The following RANBP2 variants were observed in gnomAD, a reference collection of about 807,000 sequenced individuals.
RANBP2 encodes E3 SUMO-protein ligase RanBP2.
Under a neutral mutation model 303.6 loss-of-function variants are expected in RANBP2, and 57 were observed. That is an observed-to-expected ratio of 0.19 (90% CI 0.15 to 0.23). RANBP2 has a LOEUF of 0.23. Ranked by LOEUF, RANBP2 falls within the 10% of genes least tolerant of loss-of-function variation. The pLI, the probability that RANBP2 is intolerant of heterozygous loss-of-function variation, is 1.00. For missense variants in RANBP2, 3,138 were observed against 3,780.8 expected (o/e 0.83, Z 4.46); for synonymous variants, 1,167 against 1,301.5 (o/e 0.90, Z 2.23).
At chr2:108,988,307 C>T in the RANBP2 span, among the ~76,000 whole-genome samples, 3 of 152,160 alleles carry the variant, frequency 2.0e-5, no homozygotes, top group African/African-American at 7.2e-5. Flanking sequence ...GAATCAGAGC[C>T]GACTGAATCA....
the RANBP2 span, among the ~76,000 whole-genome samples, chr2:109,496,485 C>T: frequency 6.6e-6 from 1 of 152,222 alleles, no homozygotes; most frequent in East Asian, 1.9e-4. Flanking sequence ...TTCACTATGA[C>T]CTCTCTAATA....
chr2:108,742,188 G>T (rs970736385), intron 7 of RANBP2, among the ~76,000 whole-genome samples: 7 of 152,064 alleles, frequency 4.6e-5, no homozygotes, highest in Admixed American at 1.3e-4. Context: ...TAGAGACGGG[G>T]TTTCTCCATG....
At chr2:108,762,738 A>ATTTT (rs1676813985) in intron 19 of RANBP2, among the ~76,000 whole-genome samples, 3 of 151,174 alleles carry the variant, frequency 2.0e-5, no homozygotes, top group Non-Finnish European at 2.9e-5. Context: ...ATGAGATAAT[A>ATTTT]ATGTAAAGTG....
the RANBP2 span, among the ~76,000 whole-genome samples, chr2:108,914,797 C>T: frequency 2.0e-5 from 3 of 152,236 alleles, no homozygotes; most frequent in East Asian, 5.8e-4. Flanking sequence ...GGCCAGCTGC[C>T]ATCCCCAAAT....
At chr2:109,454,595 T>C in the RANBP2 span, among the ~76,000 whole-genome samples, 1 of 152,174 alleles carries the variant, frequency 6.6e-6, no homozygotes, top group East Asian at 1.9e-4. Context: ...GGCCTGGCCA[T>C]GAGTTCCACA....
the RANBP2 span, among the ~76,000 whole-genome samples, chr2:109,306,233 C>G: frequency 6.6e-6 from 1 of 152,178 alleles, no homozygotes; most frequent in Non-Finnish European, 1.5e-5. Context: ...GATGCAGACC[C>G]CAGGAAGTGT....
chr2:109,345,267 G>A, the RANBP2 span, among the ~76,000 whole-genome samples: 2 of 152,154 alleles, frequency 1.3e-5, no homozygotes, highest in Admixed American at 6.5e-5. Context: ...ATGTCAACCA[G>A]TCTAGAGAAG....
the RANBP2 span, among the ~76,000 whole-genome samples, chr2:109,083,432 G>A: frequency 3.7e-3 from 566 of 152,196 alleles, 3 homozygotes; most frequent in Non-Finnish European, 6.0e-3. Flanking sequence ...AGAGCATCAC[G>A]GCCTCCAGCT....
At chr2:109,380,251 T>C in the RANBP2 span, among the ~76,000 whole-genome samples, 6 of 152,208 alleles carry the variant, frequency 3.9e-5, no homozygotes, top group Non-Finnish European at 8.8e-5. Flanking sequence ...TTCGTGAAAT[T>C]AACATCTTAT....
chr2:109,257,075 G>A, the RANBP2 span, among the ~76,000 whole-genome samples: 1 of 152,152 alleles, frequency 6.6e-6, no homozygotes, highest in African/African-American at 2.4e-5. Context: ...GGGGCACCGT[G>A]TATTTCAGTG....
chr2:108,881,280 A>G, the RANBP2 span, among the ~76,000 whole-genome samples: 1 of 152,222 alleles, frequency 6.6e-6, no homozygotes, highest in South Asian at 2.1e-4. Flanking sequence ...CTAAAACCTC[A>G]TGAACCAACC....
the RANBP2 span, among the ~76,000 whole-genome samples, chr2:109,660,482 C>T: frequency 6.6e-6 from 1 of 152,172 alleles, no homozygotes; most frequent in South Asian, 2.1e-4. Context: ...GTGTTTTGTC[C>T]AATTTGCTCA....
At chr2:109,464,185 A>T in the RANBP2 span, among the ~76,000 whole-genome samples, 2 of 152,166 alleles carry the variant, frequency 1.3e-5, no homozygotes, top group Admixed American at 1.3e-4. Flanking sequence ...GGCTTGTTTT[A>T]TGGCTGGACT....
chr2:108,763,711 G>T lies in RANBP2; in HGVS notation c.3172G>T (p.Ala1058Ser). 1 of 1,614,054 alleles carries T rather than the reference G, an allele frequency of 6.2e-7. No individual in the cohort carries two copies. Among genetic ancestry groups the T allele is most frequent in the Non-Finnish European group, 8.5e-7 (1 of 1,179,966 alleles). ...ACAGGTTGTGACACAGCCCCCTCCT[G>T]CAGCTTACAGTAACAGTGAAAGCCT... ...SPQVVTQPPPAAYSNSESLLG... is the reference protein window; with the variant it reads ...SPQVVTQPPPSAYSNSESLLG... The change falls in exon 20 of 29, where the codon GCA (alanine) becomes TCA (serine). Residue 1058 changes from alanine (A) to serine (S), a missense_variant. Transcript: ENST00000283195.
At chr2:109,384,305 A>G in the RANBP2 span, among the ~76,000 whole-genome samples, 3 of 151,950 alleles carry the variant, frequency 2.0e-5, no homozygotes, top group East Asian at 3.9e-4. Context: ...AGGGGATTCT[A>G]CTCTCCGTGG....
chr2:109,209,314 CTG>C, the RANBP2 span, among the ~76,000 whole-genome samples: 2 of 152,186 alleles, frequency 1.3e-5, no homozygotes, highest in Non-Finnish European at 2.9e-5. Flanking sequence ...GTGACCATGA[CTG>C]AGTTTTCTTG....
chr2:109,050,229 T>C, the RANBP2 span, among the ~76,000 whole-genome samples: 1 of 152,204 alleles, frequency 6.6e-6, no homozygotes, highest in Non-Finnish European at 1.5e-5. Context: ...ATAAAACATA[T>C]TCTTTGAATT....
chr2:109,163,387 A>ATTTT, the RANBP2 span, among the ~76,000 whole-genome samples: 3 of 77,002 alleles, frequency 3.9e-5, no homozygotes, highest in African/African-American at 1.6e-4. Context: ...AAGAGCAAAT[A>ATTTT]TTCTTTTTTT....
the RANBP2 span, among the ~76,000 whole-genome samples, chr2:109,345,062 A>G: frequency 6.6e-6 from 1 of 152,150 alleles, no homozygotes; most frequent in South Asian, 2.1e-4. Context: ...AATTCATGAA[A>G]GACAGAATCC....
Sources: gnomAD v4.1 joint callset for allele counts (sites outside exome capture counted in the v4.1 genomes callset) on GRCh38, gnomAD v4.1.1 for gene constraint, MANE v1.5 for transcripts, NCBI Gene and HGNC (gene_info 2026-07-23, HGNC 2026-07-21) for gene names.